The following CUX1 variants were observed in gnomAD, a reference collection of about 807,000 sequenced individuals.
CUX1 encodes the protein cut like homeobox 1.
In CUX1, 31 loss-of-function variants were observed where a neutral mutation model predicts 158.8. That is an observed-to-expected ratio of 0.20 (90% CI 0.15 to 0.26). The LOEUF is 0.26. CUX1 is among the 10% of genes least tolerant of loss of function. The pLI, the probability that CUX1 is intolerant of heterozygous loss-of-function variation, is 1.00. For synonymous variants in CUX1, 879 were observed against 862.1 expected (o/e 1.02, Z -0.34); for missense variants, 1,589 against 2,014.6 (o/e 0.79, Z 4.04).
At chr7:102,205,085 C>T (rs2132072894) in intron 19 of CUX1, 29 bp from the exon 20 acceptor site, 1 of 1,540,216 alleles carries the variant, frequency 6.5e-7, no homozygotes, top group East Asian at 2.2e-5. Context: ...CGCGTTCCTT[C>T]CTTTAATTAT....
chr7:101,933,904 T>A (rs1016110025), intron 2 of CUX1, among the ~76,000 whole-genome samples: 4 of 152,232 alleles, frequency 2.6e-5, no homozygotes, highest in African/African-American at 9.6e-5. Flanking sequence ...AAAAAAGTTC[T>A]TTCTGTTTTC....
chr7:101,900,189 G>A (rs1011955358), intron 1 of CUX1, among the ~76,000 whole-genome samples: 6 of 152,180 alleles, frequency 3.9e-5, no homozygotes, highest in African/African-American at 1.4e-4. Flanking sequence ...GTCCAGCAGA[G>A]CTAGAAGTGA....
At chr7:102,145,086 T>TAACA (rs1834882811) in intron 8 of CUX1, among the ~76,000 whole-genome samples, 1 of 118,778 alleles carries the variant, frequency 8.4e-6, no homozygotes, top group African/African-American at 3.1e-5. Context: ...GACTCCGTCT[T>TAACA]AAAAAAAAAA....
intron 2 of CUX1, among the ~76,000 whole-genome samples, chr7:101,940,208 C>G (rs2129137295): frequency 6.6e-6 from 1 of 151,404 alleles, no homozygotes; most frequent in Admixed American, 6.6e-5. Flanking sequence ...CCACTGCACT[C>G]CAGCCTGGGT....
chr7:101,898,313 C>T (rs1159309517), intron 1 of CUX1, among the ~76,000 whole-genome samples: 1 of 152,118 alleles, frequency 6.6e-6, no homozygotes, highest in African/African-American at 2.4e-5. Context: ...GGCTGCCACT[C>T]GGCCTTTTCA....
At chr7:101,829,204 A>C (rs1793716121) in intron 1 of CUX1, among the ~76,000 whole-genome samples, 1 of 152,064 alleles carries the variant, frequency 6.6e-6, no homozygotes, top group African/African-American at 2.4e-5. Flanking sequence ...CCTGTTCTGG[A>C]GTGAGGACGG....
intron 11 of CUX1, among the ~76,000 whole-genome samples, chr7:102,184,838 G>A (rs1215745322): frequency 6.6e-6 from 1 of 152,074 alleles, no homozygotes; most frequent in African/African-American, 2.4e-5. Context: ...TAGAGACAGG[G>A]TCTCTCTATG....
chr7:101,914,350 TCTTCCTTC>T (rs200253645), intron 1 of CUX1, among the ~76,000 whole-genome samples: 2 of 145,816 alleles, frequency 1.4e-5, no homozygotes, highest in South Asian at 2.2e-4. Context: ...ATTCCTTCCT[TCTTCCTTC>T]CTTCCTTCCT....
intron 20 of CUX1, among the ~76,000 whole-genome samples, chr7:102,220,267 A>G (rs1554526446): frequency 6.6e-6 from 1 of 152,238 alleles, no homozygotes; most frequent in Non-Finnish European, 1.5e-5. Context: ...AGGCTGAGGC[A>G]GGAGAACTGC....
At chr7:101,932,743 C>A in intron 2 of CUX1, 2 of 378,912 alleles carry the variant, frequency 5.3e-6, no homozygotes, top group Non-Finnish European at 1.1e-5. Flanking sequence ...GCTTTGCCGC[C>A]ATCAAGAAAA....
At chr7:101,959,122 AG>A (rs942255498) in intron 2 of CUX1, among the ~76,000 whole-genome samples, 1 of 151,914 alleles carries the variant, frequency 6.6e-6, no homozygotes, top group African/African-American at 2.4e-5. Flanking sequence ...GGCCTCCCAA[AG>A]GATTACAGGT....
chr7:101,857,812 C>T (rs1413629550), intron 1 of CUX1, among the ~76,000 whole-genome samples: 1 of 152,032 alleles, frequency 6.6e-6, no homozygotes, highest in Non-Finnish European at 1.5e-5. Context: ...TTGTAGAAAT[C>T]AGCTTCATCA....
chr7:102,020,504 C>T (rs574114018), intron 2 of CUX1, among the ~76,000 whole-genome samples: 14 of 152,348 alleles, frequency 9.2e-5, no homozygotes, highest in African/African-American at 3.4e-4. Context: ...TCTAACGTGA[C>T]ATCCAGGAAA....
intron 1 of CUX1, among the ~76,000 whole-genome samples, chr7:101,900,464 C>T (rs192782776): frequency 6.0e-4 from 92 of 152,294 alleles, no homozygotes; most frequent in Non-Finnish European, 1.1e-3. Flanking sequence ...AATGCGGCAC[C>T]GAAAATCTTG....
Position 102,083,414 on chromosome 7 carries a change from C to T in CUX1, c.268+12997C>T, listed in dbSNP as rs927365695. On this transcript the variant is annotated intron_variant, in intron 4 of 23. Transcript: ENST00000292535. ...CTCAGTCTTCCAGGCTCAAGCGATC[C>T]TCCCACCTCAGTCTCTCGAGTAGCT... Among the ~76,000 whole-genome samples, 20 of 147,188 alleles carry T rather than the reference C, an allele frequency of 1.4e-4. 1 individual carries two copies. The highest frequency in any genetic ancestry group is 4.4e-4 in the African/African-American group (18 of 41,194).
At chr7:102,105,257 A>G (rs957891526) in intron 6 of CUX1, among the ~76,000 whole-genome samples, 1 of 152,094 alleles carries the variant, frequency 6.6e-6, no homozygotes, top group Admixed American at 6.6e-5. Context: ...GCGCACACAC[A>G]CAATCTCAGT....
In CUX1 at chr7:102,248,310, A is replaced by C. The variant is rs1300190255; in HGVS notation, c.3888-102A>C. The C allele has an allele frequency of 1.7e-5, 19 of 1,134,254 alleles. No homozygotes were observed. Among genetic ancestry groups the C allele is most frequent in the Non-Finnish European group, 2.1e-5 (17 of 825,612 alleles). The allele number at this position is 1,134,254 out of a possible 1,614,324, so 70.3% of individuals were successfully genotyped here. A position where few individuals can be genotyped will look rare whatever the true frequency, so the allele number is the denominator to read the frequency against. ...GGGCACGGAGGGGCCTCCAGGCTGG[A>C]CGGAGCAGGAGCCCCAGAGAGAGGG... is the stretch of plus-strand genomic sequence containing the variant. On this transcript the variant is annotated intron_variant, in intron 23 of 23. Transcript: ENST00000292535. The surrounding 1 kb of genome is among the most constrained non-coding windows in gnomAD (Gnocchi z 5.8).
intron 18 of CUX1, among the ~76,000 whole-genome samples, chr7:102,203,438 C>T (rs1234852885): frequency 6.6e-6 from 1 of 152,162 alleles, no homozygotes; most frequent in African/African-American, 2.4e-5. Context: ...GCTGTGAATC[C>T]CGGTGGTGTC....
At chr7:101,821,658 TTTTTTCTTTTTTC>T (rs1792566191) in intron 1 of CUX1, among the ~76,000 whole-genome samples, 3 of 124,850 alleles carry the variant, frequency 2.4e-5, no homozygotes, top group Non-Finnish European at 3.3e-5. Flanking sequence ...TTTCTTTTCT[TTTTTTCTTTTTTC>T]TTTTTTTTTT....
Sources: gnomAD v4.1 joint callset for allele counts (sites outside exome capture counted in the v4.1 genomes callset) on GRCh38, gnomAD v4.1.1 for gene constraint, Gnocchi (gnomAD v3.1) non-coding constraint, MANE v1.5 for transcripts, NCBI Gene and HGNC (gene_info 2026-07-23, HGNC 2026-07-21) for gene names.